Variants in CNTN5 observed in about 807,000 individuals in gnomAD.
CNTN5 encodes contactin-5.
A neutral mutation model predicts 129.1 loss-of-function variants in CNTN5; 77 were observed. The observed-to-expected ratio is 0.60, with a 90% CI of 0.50 to 0.72. The LOEUF (loss-of-function observed/expected upper bound fraction) is 0.72. CNTN5 is among the 30% of genes least tolerant of loss of function. The pLI is 0.00. For synonymous variants in CNTN5, 509 were observed against 465.6 expected, an observed-to-expected ratio of 1.09 and a Z score of -1.20; for missense variants, 1,478 against 1,328.8, an observed-to-expected ratio of 1.11 and a Z score of -1.75.
At chr11:99,606,773 G>C (rs1333100768) in intron 3 of CNTN5, among the ~76,000 whole-genome samples, 5 of 142,520 alleles carry the variant, frequency 3.5e-5, no homozygotes, top group Non-Finnish European at 4.7e-5. Flanking sequence ...GAACAGAACA[G>C]AGCCCTCAGA....
At chr11:99,601,147 CA>C (rs1950300144) in intron 3 of CNTN5, among the ~76,000 whole-genome samples, 4 of 152,160 alleles carry the variant, frequency 2.6e-5, no homozygotes, top group Admixed American at 2.6e-4. Flanking sequence ...TTTCTGATTT[CA>C]TCTGCCATCT....
rs199955748 is a variant in CNTN5 at position 100,238,586 on chromosome 11, AAAG to A, written c.2005+13788_2005+13790del. 5.7e-3 allele frequency among the ~76,000 whole-genome samples: 866 copies of A among 151,432 alleles called. 11 individuals carry two copies. The highest frequency in any genetic ancestry group is 0.019 in the African/African-American group (801 of 41,258). On this transcript the variant is annotated intron_variant, in intron 16 of 24. Transcript: ENST00000524871. ...GGAGGAGGAAGAAAGAGGAGAGGAA[AAAG>A]AAGAAGAAGAAGAGGGGAAAATAAT... is the stretch of plus-strand genomic sequence containing the variant.
intron 2 of CNTN5, among the ~76,000 whole-genome samples, chr11:99,327,070 T>A (rs1278882562): frequency 6.6e-6 from 1 of 152,182 alleles, no homozygotes; most frequent in Non-Finnish European, 1.5e-5. Context: ...TATTTTTTTT[T>A]ACTTCTGAGA....
At chr11:99,285,193 T>A (rs2135901812) in intron 1 of CNTN5, among the ~76,000 whole-genome samples, 1 of 152,254 alleles carries the variant, frequency 6.6e-6, no homozygotes, top group African/African-American at 2.4e-5. Context: ...TAAATGAGTT[T>A]ATTTTCTTTA....
At chr11:99,728,026 A>G (rs1051429761) in intron 3 of CNTN5, among the ~76,000 whole-genome samples, 7 of 152,220 alleles carry the variant, frequency 4.6e-5, no homozygotes, top group Admixed American at 6.5e-5. Context: ...TAAATCAATC[A>G]TTTTATTCAT....
At chr11:99,223,621 A>C (rs1347937542) in intron 1 of CNTN5, among the ~76,000 whole-genome samples, 2 of 152,178 alleles carry the variant, frequency 1.3e-5, no homozygotes, top group Non-Finnish European at 2.9e-5. Context: ...CCCTGTTTGC[A>C]TCATTCCAAC....
chr11:100,203,763 C>T, intron 15 of CNTN5, among the ~76,000 whole-genome samples: 1 of 148,592 alleles, frequency 6.7e-6, no homozygotes. Context: ...ATCATACTGC[C>T]CCTCCCCATC....
chr11:99,282,769 C>G (rs1863757724), intron 1 of CNTN5, among the ~76,000 whole-genome samples: 1 of 151,998 alleles, frequency 6.6e-6, no homozygotes, highest in Admixed American at 6.6e-5. Context: ...GAAAGCGTTA[C>G]TTTTCCCTCA....
intron 15 of CNTN5, among the ~76,000 whole-genome samples, chr11:100,203,535 T>TTCAAG (rs1948834319): frequency 6.6e-6 from 1 of 152,026 alleles, no homozygotes. Flanking sequence ...AAATCCAGTT[T>TTCAAG]TCAAGTCAGG....
chr11:99,957,083 T>C, intron 8 of CNTN5, 74 bp downstream of exon 8: 1 of 1,283,476 alleles, frequency 7.8e-7, no homozygotes. Context: ...TGTGTGTTTT[T>C]TTTTTAAGAC....
chr11:99,795,230 T>C (rs1218162935), intron 3 of CNTN5, among the ~76,000 whole-genome samples: 4 of 152,226 alleles, frequency 2.6e-5, no homozygotes, highest in Admixed American at 6.5e-5. Flanking sequence ...ACACTTGTGA[T>C]TGTATTATGA....
In CNTN5 at chr11:100,186,586, T is replaced by A. The variant is rs113351780; in HGVS notation, c.1581-4540T>A. On this transcript the variant is annotated intron_variant, in intron 13 of 24. Coordinates refer to ENST00000524871, the MANE Select transcript of CNTN5 (RefSeq NM_014361.4). ...GAAGCAAGACATCTCCAGGGCTAGA[T>A]AGAAACTTATGGAGAAGTCTAGAGA... Among the ~76,000 whole-genome samples, 4 of 152,158 alleles carry A rather than the reference T, an allele frequency of 2.6e-5. No homozygotes were observed. The East Asian group carries it at 7.8e-4, about 30-fold the overall frequency.
chr11:99,925,586 A>C (rs1394991747), intron 7 of CNTN5, among the ~76,000 whole-genome samples: 1 of 152,138 alleles, frequency 6.6e-6, no homozygotes, highest in African/African-American at 2.4e-5. Flanking sequence ...CTTGGCCTTG[A>C]GACTCCTTGG....
At chr11:99,599,836 C>A (rs567944036) in intron 3 of CNTN5, among the ~76,000 whole-genome samples, 1 of 151,814 alleles carries the variant, frequency 6.6e-6, no homozygotes, top group Non-Finnish European at 1.5e-5. Context: ...AGGAAAATGA[C>A]AGATTTACAA....
intron 16 of CNTN5, among the ~76,000 whole-genome samples, chr11:100,227,655 G>C (rs1321873041): frequency 1.3e-5 from 2 of 152,124 alleles, no homozygotes; most frequent in African/African-American, 4.8e-5. Flanking sequence ...GCATAATCTG[G>C]AGAACCATAA....
In CNTN5 at chr11:99,954,501, T is replaced by G. The variant is rs542506707; in HGVS notation, c.674-2305T>G. On this transcript the variant is annotated intron_variant, in intron 7 of 24. Transcript: ENST00000524871. The stretch of plus-strand genomic sequence containing the variant: ...TTATTTTTAAGGGCCAGGTGCAGTT[T>G]GTATGGAAGAAAGTGGTGTATGAAG... Among the ~76,000 whole-genome samples, 13 of 152,334 alleles carry G rather than the reference T, an allele frequency of 8.5e-5. No homozygotes were observed. The East Asian group carries it at 2.5e-3, about 29-fold the overall frequency.
intron 3 of CNTN5, among the ~76,000 whole-genome samples, chr11:99,591,101 G>T (rs369213352): frequency 6.6e-6 from 1 of 152,042 alleles, no homozygotes; most frequent in South Asian, 2.1e-4. Flanking sequence ...TCTCCACGTT[G>T]GCCCAGGCTT....
intron 13 of CNTN5, among the ~76,000 whole-genome samples, chr11:100,111,681 T>C (rs1408074283): frequency 6.6e-6 from 1 of 152,180 alleles, no homozygotes; most frequent in Non-Finnish European, 1.5e-5. Context: ...CTTAAGAAAA[T>C]TTAAGTGTAC....
At position 99,918,059 on chromosome 11, in the gene CNTN5, C is replaced by T. The variant is rs185644134; in HGVS notation, c.673+1910C>T. On this transcript the variant is annotated intron_variant, in intron 7 of 24. Coordinates refer to ENST00000524871, the MANE Select transcript of CNTN5 (RefSeq NM_014361.4). ...AGCATCCACTGTCTTCTACTCACCC[C>T]TTTAGTACCCTGATTGCAGGAGTCC... 2.0e-4 allele frequency among the ~76,000 whole-genome samples: 30 copies of T among 152,262 alleles called. No individual in the cohort carries two copies. The East Asian group carries it at 5.6e-3, about 28-fold the overall frequency.
Sources: gnomAD v4.1 joint callset for allele counts (sites outside exome capture counted in the v4.1 genomes callset) on GRCh38, gnomAD v4.1.1 for gene constraint, MANE v1.5 for transcripts, NCBI Gene and HGNC (gene_info 2026-07-23, HGNC 2026-07-21) for gene names.